Variants in LRRC4C observed in about 807,000 individuals in gnomAD.
LRRC4C encodes the protein leucine rich repeat containing 4C.
In LRRC4C, 5 loss-of-function variants were observed where a neutral mutation model predicts 33.6. The ratio of observed to expected loss-of-function variants is 0.15; its 90% CI spans 0.08 to 0.31. The LOEUF is 0.31. Ranked by LOEUF, LRRC4C falls within the 10% of genes least tolerant of loss-of-function variation. LRRC4C has a pLI of 1.00. For missense variants in LRRC4C, 560 were observed against 796.7 expected, an observed-to-expected ratio of 0.70 and a Z score of 3.58; for synonymous variants, 329 against 302.0, an observed-to-expected ratio of 1.09 and a Z score of -0.93.
intron 1 of LRRC4C, among the ~76,000 whole-genome samples, chr11:40,973,705 T>C (rs544667308): frequency 1.6e-4 from 24 of 152,346 alleles, no homozygotes; most frequent in Non-Finnish European, 3.2e-4. Context: ...ATATGATTAA[T>C]GTTAGAGAGT....
intron 3 of LRRC4C, among the ~76,000 whole-genome samples, chr11:40,598,702 T>C (rs1386872232): frequency 6.6e-6 from 1 of 152,128 alleles, no homozygotes; most frequent in East Asian, 1.9e-4. Context: ...TTTTTATATA[T>C]TGTTTAGGTG....
At chr11:41,155,935 TAAAC>T (rs753255869) in intron 1 of LRRC4C, among the ~76,000 whole-genome samples, 10 of 152,094 alleles carry the variant, frequency 6.6e-5, no homozygotes, top group East Asian at 1.9e-4. Flanking sequence ...AATCTGGAAT[TAAAC>T]AAAGCCATCT....
intron 1 of LRRC4C, among the ~76,000 whole-genome samples, chr11:41,113,902 A>G (rs559657309): frequency 3.9e-5 from 6 of 152,220 alleles, no homozygotes; most frequent in African/African-American, 1.4e-4. Flanking sequence ...TCTCCAAAAT[A>G]CATAAATATT....
intron 3 of LRRC4C, among the ~76,000 whole-genome samples, chr11:40,620,426 G>T (rs189935977): frequency 8.7e-4 from 132 of 151,746 alleles, no homozygotes; most frequent in African/African-American, 3.1e-3. Context: ...TCTCTTCCAC[G>T]GCTGGAAGGA....
chr11:41,342,284 C>T (rs1429162897), intron 1 of LRRC4C, among the ~76,000 whole-genome samples: 1 of 152,150 alleles, frequency 6.6e-6, no homozygotes, highest in Non-Finnish European at 1.5e-5. Context: ...TGTGGTGGCA[C>T]CACATATACA....
chr11:40,548,515 CCTTGATTATTTCAAA>C (rs1159540742), intron 3 of LRRC4C, among the ~76,000 whole-genome samples: 3 of 152,026 alleles, frequency 2.0e-5, no homozygotes, highest in Non-Finnish European at 2.9e-5. Context: ...CATGGTGACA[CCTTGATTATTTCAAA>C]CTTCTGGCCT....
At chr11:40,632,969 T>TC (rs1963594098) in intron 3 of LRRC4C, among the ~76,000 whole-genome samples, 1 of 152,226 alleles carries the variant, frequency 6.6e-6, no homozygotes, top group Non-Finnish European at 1.5e-5. Flanking sequence ...AGCTCCTTCT[T>TC]CCCTAATTAA....
intron 1 of LRRC4C, among the ~76,000 whole-genome samples, chr11:41,447,359 A>G (rs1955857633): frequency 6.6e-6 from 1 of 152,170 alleles, no homozygotes. Context: ...GAAATTTCCC[A>G]GTTTCCAATT....
At chr11:40,260,161 C>T (rs1867581123) in intron 4 of LRRC4C, among the ~76,000 whole-genome samples, 1 of 120,352 alleles carries the variant, frequency 8.3e-6, no homozygotes, top group Admixed American at 9.4e-5. Flanking sequence ...ACCCAAATGT[C>T]CAACAATGAT....
At chr11:40,763,348 A>G (rs1949313442) in intron 2 of LRRC4C, among the ~76,000 whole-genome samples, 1 of 152,134 alleles carries the variant, frequency 6.6e-6, no homozygotes, top group Non-Finnish European at 1.5e-5. Context: ...TGTGAACTGC[A>G]GAAGAATAAC....
chr11:40,313,856 G>T (rs925166430), intron 4 of LRRC4C, among the ~76,000 whole-genome samples: 2 of 151,656 alleles, frequency 1.3e-5, no homozygotes, highest in Non-Finnish European at 2.9e-5. Flanking sequence ...CTCGTGATCC[G>T]CCTGCCTCGG....
At chr11:40,866,510 A>G (rs1195205663) in intron 2 of LRRC4C, among the ~76,000 whole-genome samples, 4 of 152,230 alleles carry the variant, frequency 2.6e-5, no homozygotes, top group African/African-American at 7.2e-5. Context: ...GTCATCATTA[A>G]CATTTCAGTA....
intron 2 of LRRC4C, among the ~76,000 whole-genome samples, chr11:40,904,987 C>A (rs1956357336): frequency 6.6e-6 from 1 of 152,144 alleles, no homozygotes; most frequent in African/African-American, 2.4e-5. Context: ...AAGCTAAGCA[C>A]ATTTGTGCGC....
At chr11:40,530,368 T>C (rs1956224787) in intron 3 of LRRC4C, among the ~76,000 whole-genome samples, 1 of 151,986 alleles carries the variant, frequency 6.6e-6, no homozygotes, top group Non-Finnish European at 1.5e-5. Context: ...TTAAGGATAG[T>C]TTTACAGTCA....
chr11:40,719,415 A>T (rs1407445634), intron 2 of LRRC4C, among the ~76,000 whole-genome samples: 1 of 152,204 alleles, frequency 6.6e-6, no homozygotes, highest in East Asian at 1.9e-4. Flanking sequence ...ACCAGAAAAA[A>T]ATTACTATTT....
chr11:40,977,545 GACTATAAGTCTCA>G (rs1413340864), intron 1 of LRRC4C, among the ~76,000 whole-genome samples: 2 of 152,068 alleles, frequency 1.3e-5, no homozygotes, highest in African/African-American at 4.8e-5. Context: ...AAGACACAGT[GACTATAAGTCTCA>G]ACTATAAGGC....
At chr11:40,941,363 A>G (rs1203915940) in intron 1 of LRRC4C, among the ~76,000 whole-genome samples, 1 of 152,118 alleles carries the variant, frequency 6.6e-6, no homozygotes, top group African/African-American at 2.4e-5. Flanking sequence ...CTACAAATAA[A>G]TGCTCTCACA....
intron 1 of LRRC4C, among the ~76,000 whole-genome samples, chr11:40,947,875 G>A (rs1958479222): frequency 6.6e-6 from 1 of 152,082 alleles, no homozygotes; most frequent in Non-Finnish European, 1.5e-5. Context: ...CAGTGGTAGG[G>A]TCTTCATTTG....
At chr11:40,501,165 A>G (rs1954751873) in intron 3 of LRRC4C, among the ~76,000 whole-genome samples, 1 of 152,112 alleles carries the variant, frequency 6.6e-6, no homozygotes, top group Non-Finnish European at 1.5e-5. Flanking sequence ...GGAACCCACA[A>G]CAACTGAACA....
Sources: gnomAD v4.1 joint callset for allele counts (sites outside exome capture counted in the v4.1 genomes callset) on GRCh38, gnomAD v4.1.1 for gene constraint, MANE v1.5 for transcripts, NCBI Gene and HGNC (gene_info 2026-07-23, HGNC 2026-07-21) for gene names.